Variants in TACC2 observed in about 807,000 individuals in gnomAD.
TACC2 encodes the protein transforming acidic coiled-coil containing protein 2.
In TACC2, 137 loss-of-function variants were observed where a neutral mutation model predicts 227.3. The ratio of observed to expected loss-of-function variants is 0.60; its 90% CI spans 0.52 to 0.69. The LOEUF (loss-of-function observed/expected upper bound fraction) is 0.69, where lower values mean the gene tolerates loss of function less well. Among genes scored for constraint, TACC2 ranks in the 30% least tolerant of loss-of-function variants. The pLI is 0.00. For missense variants in TACC2, 3,470 were observed against 3,694.4 expected (o/e 0.94, Z 1.57); for synonymous variants, 1,523 against 1,487.5 (o/e 1.02, Z -0.55).
intron 14 of TACC2, 40 bp downstream of exon 14, chr10:122,228,048 G>A: frequency 6.3e-7 from 1 of 1,589,300 alleles, no homozygotes; most frequent in Admixed American, 1.7e-5. Flanking sequence ...AGGGGATGAG[G>A]TGTGGGCCAG....
chr10:122,158,933 G>C (rs542947076), intron 7 of TACC2, among the ~76,000 whole-genome samples: 3 of 152,184 alleles, frequency 2.0e-5, no homozygotes, highest in Non-Finnish European at 4.4e-5. Context: ...ATGGGGCTCT[G>C]GCTGTGCTTG....
At chr10:122,179,109 G>A (rs2093865542) in intron 7 of TACC2, among the ~76,000 whole-genome samples, 1 of 152,192 alleles carries the variant, frequency 6.6e-6, no homozygotes. Context: ...AAGAGGAAAA[G>A]CCAGGTGACT....
intron 2 of TACC2, among the ~76,000 whole-genome samples, chr10:122,039,363 C>T (rs2073971807): frequency 6.6e-6 from 1 of 152,136 alleles, no homozygotes. Flanking sequence ...GGTAGGTTCT[C>T]AGAGGGCAGC....
At chr10:122,040,943 C>T (rs962890706) in intron 2 of TACC2, among the ~76,000 whole-genome samples, 6 of 152,146 alleles carry the variant, frequency 3.9e-5, no homozygotes, top group Non-Finnish European at 5.9e-5. Context: ...GACACGCCTC[C>T]CCCAGCTTGG....
At position 122,180,676 on chromosome 10, in the gene TACC2, C is replaced by T. The variant is rs1250952242; in HGVS notation, c.5835-14364C>T. On this transcript the variant is annotated intron_variant, in intron 7 of 22. Transcript: ENST00000369005. This position sits in a 1 kb window ranked among gnomAD's most constrained non-coding sequence, Gnocchi z 4.5. ...TCTAATGACTGACTCTTTTTTCACT[C>T]TTCATGTCTCAGCTTTGAGAAGCCT... Among the ~76,000 whole-genome samples, 4 of 151,554 alleles carry T rather than the reference C, an allele frequency of 2.6e-5. No individual in the cohort carries two copies. Among genetic ancestry groups the T allele is most frequent in the Admixed American group, 6.6e-5 (1 of 15,206 alleles).
chr10:122,022,019 G>T lies in TACC2; in HGVS notation c.33+5G>T, dbSNP rs561225418. On this transcript the variant is annotated splice_donor_5th_base_variant and intron_variant, in intron 2 of 22. Transcript: ENST00000369005. ...AACAGCACCTCGGACAACCAGGTGG[G>T]TGTCAGGAAGCTTCTCTCTCGAGCT... is the stretch of plus-strand genomic sequence containing the variant. 3.0e-5 allele frequency: 48 copies of T among 1,614,116 alleles called. No individual in the cohort carries two copies. In the South Asian group the frequency reaches 5.1e-4, roughly 17 times the overall value.
At chr10:122,004,200 T>C (rs10047293) in intron 1 of TACC2, among the ~76,000 whole-genome samples, 150,105 of 152,056 alleles carry the variant, frequency 0.99, 74,128 homozygotes, top group Middle Eastern at 1. Context: ...GAGTTCAAGA[T>C]CAGCCTGACC....
intron 5 of TACC2, among the ~76,000 whole-genome samples, chr10:122,132,152 C>T (rs558765509): frequency 6.6e-6 from 1 of 152,344 alleles, no homozygotes; most frequent in South Asian, 2.1e-4. Flanking sequence ...AGACTGGTGA[C>T]AGACCCTGCT....
chr10:122,217,601 G>A (rs2095437138), intron 11 of TACC2, among the ~76,000 whole-genome samples: 1 of 151,640 alleles, frequency 6.6e-6, no homozygotes, highest in Non-Finnish European at 1.5e-5. Flanking sequence ...ACCACCCCCG[G>A]CTAATTTTTT....
At chr10:122,203,271 G>A (rs745810156) in intron 8 of TACC2, among the ~76,000 whole-genome samples, 58 of 141,316 alleles carry the variant, frequency 4.1e-4, no homozygotes, top group Non-Finnish European at 7.1e-4. Context: ...CGGACGGGGC[G>A]GCTGGCCGGG....
chr10:122,003,019 A>G (rs1207187463), intron 1 of TACC2, among the ~76,000 whole-genome samples: 4 of 152,178 alleles, frequency 2.6e-5, no homozygotes, highest in Non-Finnish European at 5.9e-5. Context: ...CCTGGCCAAC[A>G]TGGTGAAACC....
At chr10:122,132,825 C>G in intron 6 of TACC2, 91 bp downstream of exon 6, 1 of 1,367,370 alleles carries the variant, frequency 7.3e-7, no homozygotes, top group Admixed American at 1.9e-5. Flanking sequence ...CCCTCCCCTC[C>G]TCTCTTTTCT....
intron 6 of TACC2, among the ~76,000 whole-genome samples, chr10:122,140,810 C>T (rs2090416630): frequency 6.6e-6 from 1 of 152,206 alleles, no homozygotes; most frequent in South Asian, 2.1e-4. Flanking sequence ...ACTCGCTTTG[C>T]TTGAGCAACA....
At chr10:122,198,434 T>C (rs2094652436) in intron 8 of TACC2, among the ~76,000 whole-genome samples, 1 of 152,194 alleles carries the variant, frequency 6.6e-6, no homozygotes, top group African/African-American at 2.4e-5. Flanking sequence ...GACCGTGTTA[T>C]TAGAACTCAA....
At chr10:122,021,107 G>A (rs1957280382) in intron 1 of TACC2, among the ~76,000 whole-genome samples, 1 of 152,060 alleles carries the variant, frequency 6.6e-6, no homozygotes, top group Non-Finnish European at 1.5e-5. Context: ...GCGGGCGTCT[G>A]TAATCCCAGC....
chr10:122,166,283 G>A (rs2093158217), intron 7 of TACC2, among the ~76,000 whole-genome samples: 1 of 152,208 alleles, frequency 6.6e-6, no homozygotes, highest in Non-Finnish European at 1.5e-5. Context: ...GGAAGTGACT[G>A]AAGGATTTTT....
intron 5 of TACC2, among the ~76,000 whole-genome samples, chr10:122,096,098 C>T (rs1283597006): frequency 1.3e-5 from 2 of 152,204 alleles, no homozygotes; most frequent in Non-Finnish European, 2.9e-5. Context: ...CTTCCTCCCG[C>T]TGGCTGGCTC....
At chr10:122,048,973 A>G (rs893760440) in intron 2 of TACC2, among the ~76,000 whole-genome samples, 32 of 152,248 alleles carry the variant, frequency 2.1e-4, no homozygotes, top group African/African-American at 7.7e-4. Flanking sequence ...TGTAGAACTC[A>G]GAATTTTTAC....
chr10:122,242,889 T>C (rs2096031195), intron 19 of TACC2, among the ~76,000 whole-genome samples: 1 of 152,194 alleles, frequency 6.6e-6, no homozygotes, highest in South Asian at 2.1e-4. Flanking sequence ...CTGCCTTGGT[T>C]GCCCAATGTC....
Sources: allele counts gnomAD v4.1 joint callset (sites outside exome capture counted in the v4.1 genomes callset), GRCh38; gene constraint gnomAD v4.1.1; non-coding constraint Gnocchi (gnomAD v3.1); transcripts MANE v1.5; gene names NCBI Gene and HGNC (gene_info 2026-07-23, HGNC 2026-07-21).